Variants in CPNE3 observed in about 807,000 individuals in gnomAD.
The protein encoded by CPNE3 is copine 3, also known as copine-3.
Under a neutral mutation model 63.9 loss-of-function variants are expected in CPNE3, and 68 were observed. The ratio of observed to expected loss-of-function variants is 1.06; its 90% CI spans 0.87 to 1.30. The LOEUF (loss-of-function observed/expected upper bound fraction) is 1.30. Ranked by LOEUF, CPNE3 falls within the 50% of genes most tolerant of loss-of-function variation. The probability of loss-of-function intolerance (pLI) is 0.00; values close to 1 mark genes in which losing one functional copy is unlikely to be tolerated. For missense variants in CPNE3, 665 were observed against 578.1 expected (o/e 1.15, Z -1.54); for synonymous variants, 219 against 197.5 (o/e 1.11, Z -0.91).
intron 2 of CPNE3, among the ~76,000 whole-genome samples, chr8:86,518,420 C>T (rs1419721695): frequency 6.6e-6 from 1 of 152,280 alleles, no homozygotes; most frequent in Non-Finnish European, 1.5e-5. Context: ...CACAGCTGGC[C>T]AGCAGCTTTA....
At chr8:86,537,713 A>G (rs752138049) in intron 7 of CPNE3, 67 bp downstream of exon 7, 53 of 925,502 alleles carry the variant, frequency 5.7e-5, no homozygotes, top group Non-Finnish European at 8.9e-5. Flanking sequence ...TGAATTTTAA[A>G]AAGCTTATAT....
At chr8:86,527,181 T>C (rs1463297093) in intron 2 of CPNE3, among the ~76,000 whole-genome samples, 1 of 152,156 alleles carries the variant, frequency 6.6e-6, no homozygotes, top group Non-Finnish European at 1.5e-5. Flanking sequence ...TACTATCCCA[T>C]TGCAAGGATG....
At chr8:86,541,993 T>A (rs985991028) in intron 8 of CPNE3, among the ~76,000 whole-genome samples, 17 of 152,216 alleles carry the variant, frequency 1.1e-4, no homozygotes, top group African/African-American at 4.1e-4. Flanking sequence ...TTTGATTGTG[T>A]GTAATGATAT....
At chr8:86,528,815 A>C (rs1820600448) in intron 3 of CPNE3, 130 bp from the exon 4 acceptor site, 1 of 1,319,704 alleles carries the variant, frequency 7.6e-7, no homozygotes, top group African/African-American at 1.5e-5. Context: ...TTGATTGTAG[A>C]ATTTTTCATA....
At chr8:86,527,296 G>A (rs989836876) in intron 2 of CPNE3, among the ~76,000 whole-genome samples, 1 of 152,110 alleles carries the variant, frequency 6.6e-6, no homozygotes, top group African/African-American at 2.4e-5. Flanking sequence ...GAAATGCAAT[G>A]CCTAGTTCCT....
intron 6 of CPNE3, among the ~76,000 whole-genome samples, chr8:86,537,216 T>G (rs942545141): frequency 6.6e-6 from 1 of 152,224 alleles, no homozygotes; most frequent in Non-Finnish European, 1.5e-5. Flanking sequence ...ATATCATTTA[T>G]ATAAAACTAC....
chr8:86,525,260 TACAAGTATG>T (rs1302119753), intron 2 of CPNE3, among the ~76,000 whole-genome samples: 1 of 152,204 alleles, frequency 6.6e-6, no homozygotes, highest in Non-Finnish European at 1.5e-5. Context: ...GTGCTGGGAT[TACAAGTATG>T]AGCCAATATG....
intron 2 of CPNE3, among the ~76,000 whole-genome samples, chr8:86,523,062 G>A (rs1820469520): frequency 6.6e-6 from 1 of 152,164 alleles, no homozygotes; most frequent in African/African-American, 2.4e-5. Context: ...TTAATAACAA[G>A]CCATCTATGC....
At chr8:86,516,759 C>A (rs1586823215) in intron 2 of CPNE3, among the ~76,000 whole-genome samples, 1 of 152,176 alleles carries the variant, frequency 6.6e-6, no homozygotes, top group East Asian at 1.9e-4. Context: ...TATCACTGGG[C>A]TTTTTTTCTT....
At position 86,556,186 on chromosome 8, in the gene CPNE3, C is replaced by T. The variant is rs368142558; in HGVS notation, c.1339C>T (p.Leu447=). 13 of 872,934 alleles carry T rather than the reference C, an allele frequency of 1.5e-5. No homozygotes were observed. The highest frequency in any genetic ancestry group is 2.6e-5 in the Non-Finnish European group (13 of 501,702). The allele number at this position is 872,934 out of a possible 1,614,324, so 54.1% of individuals were successfully genotyped here. A position where few individuals can be genotyped will look rare whatever the true frequency, so the allele number is the denominator to read the frequency against. ...TRQAIVNASR[L]PMSIIIVGVG... ...ACAAGCTATAGTTAATGCCTCCAGGCTGCCTATGTCCATCATAATTGTTGG... is the reference window on the plus strand; with the variant it reads ...ACAAGCTATAGTTAATGCCTCCAGGTTGCCTATGTCCATCATAATTGTTGG... Residue 447 remains leucine, a synonymous_variant, in exon 16 of 17, where the codon CTG becomes TTG. Transcript: ENST00000517490.
rs150561579 is a variant in CPNE3, at chr8:86,530,303, A to G, written c.313-852A>G. ...TCCCACCTCAGCCTCCCAAGTAGCT[A>G]GGACTATAAGCACACGCCACTGCAC... On this transcript the variant is annotated intron_variant, in intron 4 of 16. Transcript: ENST00000517490. Among the ~76,000 whole-genome samples, 270 of 151,580 alleles carry G rather than the reference A, an allele frequency of 1.8e-3. 3 individuals carry two copies. Among genetic ancestry groups the G allele is most frequent in the African/African-American group, 6.2e-3 (258 of 41,320 alleles).
chr8:86,534,666 GA>G (rs1247505024), intron 6 of CPNE3, among the ~76,000 whole-genome samples: 2 of 151,822 alleles, frequency 1.3e-5, no homozygotes, highest in African/African-American at 2.4e-5. Context: ...AAAAAAGAAG[GA>G]AAAAAAATTT....
intron 2 of CPNE3, among the ~76,000 whole-genome samples, chr8:86,525,547 A>G (rs1443269863): frequency 2.0e-5 from 3 of 152,220 alleles, no homozygotes; most frequent in African/African-American, 7.2e-5. Context: ...CCTGGCAGCA[A>G]TGCAGTAGTA....
chr8:86,551,106 A>T lies in CPNE3; in HGVS notation c.1068+6A>T. 1.2e-6 allele frequency: 2 copies of T among 1,613,026 alleles called. No individual in the cohort carries two copies. Among genetic ancestry groups the T allele is most frequent in the East Asian group, 4.5e-5 (2 of 44,854 alleles). The stretch of plus-strand genomic sequence containing the variant: ...AGATACCTCCTCAGTGGCAGGTAAG[A>T]GGAAATCTCTATTTTAAAGCTTTGC... On this transcript the variant is annotated splice_donor_region_variant and intron_variant, in intron 13 of 16. Transcript: ENST00000517490.
At chr8:86,544,264 A>G (rs1032571107) in intron 8 of CPNE3, among the ~76,000 whole-genome samples, 4 of 152,190 alleles carry the variant, frequency 2.6e-5, no homozygotes, top group African/African-American at 9.6e-5. Context: ...CAGCTAATGA[A>G]ATATATTTTT....
intron 2 of CPNE3, among the ~76,000 whole-genome samples, chr8:86,522,312 C>G (rs988284143): frequency 6.6e-6 from 1 of 152,104 alleles, no homozygotes; most frequent in Non-Finnish European, 1.5e-5. Flanking sequence ...TCCCCCAACC[C>G]TCACTTTTGG....
chr8:86,548,908 A>G (rs1586847160), intron 12 of CPNE3, among the ~76,000 whole-genome samples: 1 of 152,144 alleles, frequency 6.6e-6, no homozygotes, highest in Non-Finnish European at 1.5e-5. Context: ...TAGCATATCT[A>G]TGTCCTTGGC....
At chr8:86,546,337 C>CAGAGG (rs1821050003) in intron 9 of CPNE3, among the ~76,000 whole-genome samples, 1 of 151,986 alleles carries the variant, frequency 6.6e-6, no homozygotes, top group South Asian at 2.1e-4. Flanking sequence ...AGGAAATTAC[C>CAGAGG]TGCAGAGGTA....
chr8:86,554,992 C>G lies in CPNE3; in HGVS notation c.1254+8C>G. 6.2e-7 allele frequency: 1 copy of G among 1,613,928 alleles called. No homozygotes were observed. The highest frequency in any genetic ancestry group is 8.5e-7 in the Non-Finnish European group (1 of 1,179,958). On this transcript the variant is annotated splice_region_variant and intron_variant, in intron 15 of 16. Transcript: ENST00000517490. Reference sequence around the variant, plus strand: ...CAACAGCAGACAGCTTCTGTAAGTGCTCTATGGCCAGGGAATGGGAAGAAT... The same window carrying G: ...CAACAGCAGACAGCTTCTGTAAGTGGTCTATGGCCAGGGAATGGGAAGAAT...
Sources: allele counts gnomAD v4.1 joint callset (sites outside exome capture counted in the v4.1 genomes callset), GRCh38; gene constraint gnomAD v4.1.1; transcripts MANE v1.5; gene names NCBI Gene and HGNC (gene_info 2026-07-23, HGNC 2026-07-21).